Variants in RAB10 observed in about 807,000 individuals in gnomAD.
RAB10 encodes the protein RAB10, member RAS oncogene family.
Under a neutral mutation model 25.7 loss-of-function variants are expected in RAB10, and 5 were observed. That is an observed-to-expected ratio of 0.19 (90% CI 0.10 to 0.41). The LOEUF is 0.41. Ranked by LOEUF, RAB10 falls within the 10% of genes least tolerant of loss-of-function variation. The pLI is 1.00. For missense variants in RAB10, 103 were observed against 245.8 expected, an observed-to-expected ratio of 0.42 and a Z score of 3.89; for synonymous variants, 89 against 86.4, an observed-to-expected ratio of 1.03 and a Z score of -0.16.
chr2:26,094,569 A>AT (rs1025009004), intron 1 of RAB10, among the ~76,000 whole-genome samples: 3 of 138,316 alleles, frequency 2.2e-5, no homozygotes, highest in Non-Finnish European at 3.1e-5. Context: ...TTTATTATGT[A>AT]TTTTTTTGAG....
chr2:26,074,115 G>A (rs1444568781), intron 1 of RAB10, among the ~76,000 whole-genome samples: 2 of 152,186 alleles, frequency 1.3e-5, no homozygotes, highest in Non-Finnish European at 2.9e-5. Context: ...GAAAATGCAG[G>A]ATGATACAGA....
rs79698583 is a variant in RAB10 at position 26,054,013 on chromosome 2, C to CTT, written c.127+19291_127+19292dup. The stretch of plus-strand genomic sequence containing the variant: ...CACCACACCCGGCTTCTTTTTCTTT[C>CTT]TTTTTTTTTTTTTTCCCTTCTGTTC... On this transcript the variant is annotated intron_variant, in intron 1 of 5. Coordinates refer to ENST00000264710, the MANE Select transcript of RAB10 (RefSeq NM_016131.5). 3.7e-3 allele frequency among the ~76,000 whole-genome samples: 389 copies of CTT among 105,020 alleles called. 3 individuals are homozygous for CTT. The highest frequency in any genetic ancestry group is 6.0e-3 in the Non-Finnish European group (284 of 47,596). 68.9% of individuals were successfully genotyped at this position (105,020 alleles called of 152,430 possible).
intron 1 of RAB10, among the ~76,000 whole-genome samples, chr2:26,035,167 A>G (rs1198830188): frequency 1.3e-5 from 2 of 152,214 alleles, no homozygotes; most frequent in Non-Finnish European, 2.9e-5. Flanking sequence ...CCATATGGTG[A>G]TAACTTAGAG....
In RAB10 at chr2:26,127,839, TTC is replaced by T; in HGVS notation, c.418-9_418-8del. On this transcript the variant is annotated splice_polypyrimidine_tract_variant and intron_variant, in intron 4 of 5. Coordinates refer to ENST00000264710, the MANE Select transcript of RAB10 (RefSeq NM_016131.5). ...TGATAATTTTATGATGATATTTTGTTTCTGTTTTAGATTGCAAGGGAGCATGG... is the reference window on the plus strand; with the variant it reads ...TGATAATTTTATGATGATATTTTGTTTGTTTTAGATTGCAAGGGAGCATGG... 1 of 1,560,914 alleles carries T rather than the reference TTC, an allele frequency of 6.4e-7. No homozygotes were observed. The highest frequency in any genetic ancestry group is 8.8e-7 in the Non-Finnish European group (1 of 1,131,950).
At chr2:26,051,871 A>G (rs1347093644) in intron 1 of RAB10, among the ~76,000 whole-genome samples, 1 of 151,940 alleles carries the variant, frequency 6.6e-6, no homozygotes, top group African/African-American at 2.4e-5. Flanking sequence ...AGCCTGACCA[A>G]CATGGTGAAA....
At chr2:26,091,246 T>G (rs1667100360) in intron 1 of RAB10, among the ~76,000 whole-genome samples, 1 of 152,086 alleles carries the variant, frequency 6.6e-6, no homozygotes, top group South Asian at 2.1e-4. Context: ...GAGAGATGAA[T>G]AATAACAGAA....
intron 3 of RAB10, among the ~76,000 whole-genome samples, chr2:26,121,004 T>C (rs1667793335): frequency 1.3e-5 from 2 of 151,802 alleles, no homozygotes; most frequent in African/African-American, 4.8e-5. Flanking sequence ...CTCCACCTCC[T>C]GGGTTCAAGT....
At chr2:26,128,534 T>C (rs566325428) in intron 5 of RAB10, among the ~76,000 whole-genome samples, 1 of 152,370 alleles carries the variant, frequency 6.6e-6, no homozygotes, top group Admixed American at 6.5e-5. Context: ...TCCAGCTTTT[T>C]GTCTTTTCTA....
In RAB10 at chr2:26,135,986, C is replaced by G. The variant is rs1016580894; in HGVS notation, c.*965C>G. ...GTCTTCCCCCCTCATTTGCTCTCTT[C>G]CCTAAAATGTGTCCCAGATGCCTTC... On this transcript the variant is annotated 3_prime_UTR_variant, in exon 6 of 6. Coordinates refer to ENST00000264710, the MANE Select transcript of RAB10 (RefSeq NM_016131.5). The G allele has an allele frequency of 6.5e-6, 1 of 152,674 alleles. No individual in the cohort carries two copies. The highest frequency in any genetic ancestry group is 2.4e-5 in the African/African-American group (1 of 41,462). 9.5% of individuals were successfully genotyped at this position (152,674 alleles called of 1,614,324 possible). A position where few individuals can be genotyped will look rare whatever the true frequency, so the allele number is the denominator to read the frequency against.
At chr2:26,125,238 G>A (rs1160979640) in intron 3 of RAB10, among the ~76,000 whole-genome samples, 1 of 151,862 alleles carries the variant, frequency 6.6e-6, no homozygotes, top group Non-Finnish European at 1.5e-5. Flanking sequence ...CAAAGGTGTC[G>A]GTTTCTCCAC....
intron 1 of RAB10, among the ~76,000 whole-genome samples, chr2:26,069,886 A>G (rs1233162781): frequency 6.6e-6 from 1 of 151,808 alleles, no homozygotes; most frequent in East Asian, 2.0e-4. Flanking sequence ...TTGTGTTTTT[A>G]ATAGAGATGA....
At chr2:26,098,285 T>A (rs957516147) in intron 1 of RAB10, among the ~76,000 whole-genome samples, 1 of 152,068 alleles carries the variant, frequency 6.6e-6, no homozygotes, top group Non-Finnish European at 1.5e-5. Context: ...TATGCCTGGC[T>A]AATTTTTTGT....
At chr2:26,074,807 G>T (rs1666698033) in intron 1 of RAB10, among the ~76,000 whole-genome samples, 1 of 152,208 alleles carries the variant, frequency 6.6e-6, no homozygotes, top group Admixed American at 6.5e-5. Flanking sequence ...AACCTCGTGT[G>T]CCTGAATAAG....
intron 1 of RAB10, among the ~76,000 whole-genome samples, chr2:26,060,197 A>G (rs1444676302): frequency 6.6e-6 from 1 of 151,952 alleles, no homozygotes; most frequent in Non-Finnish European, 1.5e-5. Context: ...GAAATTATTG[A>G]ACAACTGCTG....
At chr2:26,037,955 C>G (rs985758466) in intron 1 of RAB10, among the ~76,000 whole-genome samples, 2 of 151,384 alleles carry the variant, frequency 1.3e-5, no homozygotes, top group Non-Finnish European at 2.9e-5. Context: ...GGTGTGATCT[C>G]GGCTCACTGC....
At chr2:26,111,561 G>A (rs556738142) in intron 3 of RAB10, among the ~76,000 whole-genome samples, 312 of 149,348 alleles carry the variant, frequency 2.1e-3, no homozygotes, top group African/African-American at 7.4e-3. Context: ...CTGAGATCAC[G>A]CACCATTGTA....
intron 1 of RAB10, among the ~76,000 whole-genome samples, chr2:26,051,595 CAA>C (rs560459553): frequency 2.3e-5 from 3 of 131,112 alleles, no homozygotes; most frequent in Non-Finnish European, 3.3e-5. Flanking sequence ...ACTAAAAATA[CAA>C]AAAAAAAAAA....
intron 1 of RAB10, among the ~76,000 whole-genome samples, chr2:26,073,410 G>T (rs1422718920): frequency 1.3e-5 from 2 of 152,164 alleles, no homozygotes; most frequent in Non-Finnish European, 2.9e-5. Flanking sequence ...AAACTATTGG[G>T]CTATTGCCAT....
intron 1 of RAB10, among the ~76,000 whole-genome samples, chr2:26,064,888 T>C (rs1030741089): frequency 6.6e-6 from 1 of 152,058 alleles, no homozygotes; most frequent in African/African-American, 2.4e-5. Flanking sequence ...TCTCCACACA[T>C]GTGCGCACAC....
Sources: allele counts gnomAD v4.1 joint callset (sites outside exome capture counted in the v4.1 genomes callset), GRCh38; gene constraint gnomAD v4.1.1; transcripts MANE v1.5; gene names NCBI Gene and HGNC (gene_info 2026-07-23, HGNC 2026-07-21).